The following HACL1 variants were observed in gnomAD, a reference collection of about 807,000 sequenced individuals.
HACL1 encodes the protein 1600020H07Rik.
In HACL1, 64 loss-of-function variants were observed where a neutral mutation model predicts 74.2. That is an observed-to-expected ratio of 0.86 (90% CI 0.70 to 1.06). The LOEUF (loss-of-function observed/expected upper bound fraction) is 1.06, where lower values mean the gene tolerates loss of function less well. Among genes scored for constraint, HACL1 ranks in the 50% least tolerant of loss-of-function variants. HACL1 has a pLI of 0.00. For missense variants in HACL1, 728 were observed against 719.7 expected (o/e 1.01, Z -0.13); for synonymous variants, 230 against 238.8 (o/e 0.96, Z 0.34).
chr3:15,593,124 CAT>C lies in HACL1; in HGVS notation c.228-1446_228-1445del, dbSNP rs775664481. ...ATATGTGTGTGTATATATACACACA[CAT>C]ACGTATATATGTATATATACACACA... On this transcript the variant is annotated intron_variant, in intron 3 of 16. Transcript: ENST00000321169. 1.5e-3 allele frequency among the ~76,000 whole-genome samples: 203 copies of C among 136,908 alleles called. 3 individuals carry two copies. Among genetic ancestry groups the C allele is most frequent in the East Asian group, 8.3e-3 (34 of 4,116 alleles). 89.8% of individuals were successfully genotyped at this position (136,908 alleles called of 152,430 possible).
At chr3:15,592,636 GTGTGCGTGTA>G (rs2063966409) in intron 3 of HACL1, among the ~76,000 whole-genome samples, 1 of 20,030 alleles carries the variant, frequency 5.0e-5, no homozygotes, top group African/African-American at 2.1e-4. Context: ...GTACGCACAT[GTGTGCGTGTA>G]TACACATGTA....
At chr3:15,564,207 C>T (rs933980922) in intron 15 of HACL1, among the ~76,000 whole-genome samples, 7 of 152,202 alleles carry the variant, frequency 4.6e-5, no homozygotes, top group Non-Finnish European at 1.0e-4. Context: ...ACAAATAATA[C>T]GTAAACATCC....
chr3:15,599,339 C>A (rs73817022), intron 2 of HACL1, among the ~76,000 whole-genome samples: 80 of 152,288 alleles, frequency 5.3e-4, no homozygotes, highest in African/African-American at 1.9e-3. Context: ...TGCTATGTTG[C>A]CCAGGCAGCC....
intron 5 of HACL1, 126 bp from the exon 6 acceptor site, chr3:15,586,728 T>A: frequency 1.7e-6 from 1 of 596,058 alleles, no homozygotes; most frequent in Non-Finnish European, 3.0e-6. Flanking sequence ...ATATATTGCC[T>A]AGACTGTCCC....
intron 11 of HACL1, among the ~76,000 whole-genome samples, chr3:15,572,343 A>G (rs1574915813): frequency 6.6e-6 from 1 of 152,104 alleles, no homozygotes; most frequent in East Asian, 1.9e-4. Flanking sequence ...TAGAAAATCA[A>G]TGGGTAACAT....
rs1173890071 is a variant in HACL1, at chr3:15,592,107, A to ACATACGTGTATATATG, written c.228-428_228-427insCATATATACACGTATG. Among the ~76,000 whole-genome samples the ACATACGTGTATATATG allele has an allele frequency of 3.2e-3, 447 of 138,562 alleles. 28 individuals carry two copies. The highest frequency in any genetic ancestry group is 0.014 in the East Asian group (58 of 4,018). The allele number at this position is 138,562 out of a possible 152,430, so 90.9% of individuals were successfully genotyped here. Reference sequence around the variant, plus strand: ...ATATATACACACACTATATACGTATATATACACACTATATACGTATACATA... The same window carrying ACATACGTGTATATATG: ...ATATATACACACACTATATACGTATACATACGTGTATATATGTATACACACTATATACGTATACATA... On this transcript the variant is annotated intron_variant, in intron 3 of 16. Coordinates refer to ENST00000321169, the MANE Select transcript of HACL1 (RefSeq NM_012260.4).
rs1180555257 is a variant in HACL1 at position 15,570,952 on chromosome 3, C to CA, written c.1095+715dup. Among the ~76,000 whole-genome samples, 373 of 131,326 alleles carry CA rather than the reference C, an allele frequency of 2.8e-3. 2 individuals carry two copies. The highest frequency in any genetic ancestry group is 3.4e-3 in the South Asian group (13 of 3,802). 86.2% of individuals were successfully genotyped at this position (131,326 alleles called of 152,430 possible). A position where few individuals can be genotyped will look rare whatever the true frequency, so the allele number is the denominator to read the frequency against. On this transcript the variant is annotated intron_variant, in intron 12 of 16. Transcript: ENST00000321169. ...CATCTCAACCCAAGATTTAAGGATT[C>CA]AAAAAAAAAAAAACCACTTAATAGT...
chr3:15,601,440 C>G lies in HACL1; in HGVS notation c.24G>C (p.Glu8Asp), dbSNP rs757912260. The part of the protein sequence containing the change: MPDSNFA[E>D]RSEEQVSGAK... ...CACCAGACACCTGCTCCTCGCTGCG[C>G]TCTGCGAAGTTACTGTCCGGCATCT... Residue 8 changes from glutamate (E) to aspartate (D), a missense_variant, in exon 1 of 17, where the codon GAG (glutamate) becomes GAC (aspartate). Physicochemically the swap from Glu to Asp is conservative, Grantham distance 45. Coordinates refer to ENST00000321169, the MANE Select transcript of HACL1 (RefSeq NM_012260.4). 2.7e-5 allele frequency: 44 copies of G among 1,613,668 alleles called. No individual in the cohort carries two copies. The highest frequency in any genetic ancestry group is 3.6e-5 in the Non-Finnish European group (43 of 1,180,044).
intron 3 of HACL1, among the ~76,000 whole-genome samples, chr3:15,592,052 A>C (rs2063914538): frequency 3.2e-5 from 1 of 31,064 alleles, no homozygotes; most frequent in Non-Finnish European, 5.7e-5. Context: ...CACACACTAT[A>C]TACGTATATA....
chr3:15,593,226 T>A (rs947195132), intron 3 of HACL1, among the ~76,000 whole-genome samples: 3 of 150,920 alleles, frequency 2.0e-5, no homozygotes, highest in African/African-American at 7.3e-5. Context: ...TACACACTTT[T>A]TTTTTGAGAT....
intron 9 of HACL1, among the ~76,000 whole-genome samples, chr3:15,576,380 A>C (rs1296001113): frequency 6.6e-6 from 1 of 152,056 alleles, no homozygotes; most frequent in South Asian, 2.1e-4. Context: ...AAGACTATTG[A>C]TTCATATTCC....
intron 6 of HACL1, 123 bp downstream of exon 6, chr3:15,586,402 C>T: frequency 1.7e-6 from 1 of 589,264 alleles, no homozygotes; most frequent in Non-Finnish European, 3.1e-6. Context: ...CTAACAATGC[C>T]ATTTTTAACT....
At position 15,573,170 on chromosome 3, in the gene HACL1, C is replaced by CA. The variant is rs751794804; in HGVS notation, c.981dup (p.Val328CysfsTer3). ...ACAAAAGTTCTCACCTGCTTAGTGA[C>CA]AGCATGTATGTTTCCTAGCAAAGTA... On this transcript the variant is annotated frameshift_variant, in exon 11 of 17. Coordinates refer to ENST00000321169, the MANE Select transcript of HACL1 (RefSeq NM_012260.4). LOFTEE classifies it high-confidence loss of function. 1.9e-6 allele frequency: 3 copies of CA among 1,593,462 alleles called. No homozygotes were observed. Among genetic ancestry groups the CA allele is most frequent in the Non-Finnish European group, 2.6e-6 (3 of 1,161,280 alleles).
At chr3:15,592,663 T>C (rs867966032) in intron 3 of HACL1, among the ~76,000 whole-genome samples, 130 of 234 alleles carry the variant, frequency 0.56, 13 homozygotes, top group South Asian at 1. Flanking sequence ...TGTACGCACA[T>C]GTGTGCGTGT....
At chr3:15,578,560 G>GT (rs1258905678) in intron 9 of HACL1, among the ~76,000 whole-genome samples, 13 of 152,220 alleles carry the variant, frequency 8.5e-5, no homozygotes, top group Middle Eastern at 3.4e-3. Flanking sequence ...CAGAGAAACT[G>GT]TTTTTTTGGC....
intron 7 of HACL1, among the ~76,000 whole-genome samples, chr3:15,584,876 G>A (rs1481559294): frequency 2.0e-5 from 3 of 152,140 alleles, no homozygotes; most frequent in East Asian, 3.9e-4. Flanking sequence ...GAGACAGCTA[G>A]ATGTTTTTTA....
At position 15,601,543 on chromosome 3, in the gene HACL1, GCA is replaced by G; in HGVS notation, c.-82_-81del. The G allele has an allele frequency of 6.2e-7, 1 of 1,605,254 alleles. No homozygotes were observed. Among genetic ancestry groups the G allele is most frequent in the Non-Finnish European group, 8.5e-7 (1 of 1,179,638 alleles). On this transcript the variant is annotated 5_prime_UTR_variant, in exon 1 of 17. Transcript: ENST00000321169. ...CAGCAAGGCAAACGCGAAATCGGCA[GCA>G]CGCCACCTCTGGTACTGCACCTCTG... is the stretch of plus-strand genomic sequence containing the variant.
Position 15,563,243 on chromosome 3 carries a change from T to C in HACL1, c.1704+115A>G, listed in dbSNP as rs999151093. 3.4e-5 allele frequency: 23 copies of C among 670,512 alleles called. No homozygotes were observed. The Admixed American group carries it at 5.7e-4, about 17-fold the overall frequency. 41.5% of individuals were successfully genotyped at this position (670,512 alleles called of 1,614,324 possible). ...TACATGAAACTGCCAAACTCAGAAATGGTTTAGAAAGACCTCTGTGGATGA... is the reference window on the plus strand; with the variant it reads ...TACATGAAACTGCCAAACTCAGAAACGGTTTAGAAAGACCTCTGTGGATGA... On this transcript the variant is annotated intron_variant, in intron 16 of 16. Coordinates refer to ENST00000321169, the MANE Select transcript of HACL1 (RefSeq NM_012260.4).
At chr3:15,593,796 CT>C (rs1322426326) in intron 3 of HACL1, among the ~76,000 whole-genome samples, 1,288 of 111,300 alleles carry the variant, frequency 0.012, 5 homozygotes, top group African/African-American at 0.033. Flanking sequence ...TTTTTTTTGT[CT>C]TTTTTTTTTT....
Sources: gnomAD v4.1 joint callset for allele counts (sites outside exome capture counted in the v4.1 genomes callset) on GRCh38, gnomAD v4.1.1 for gene constraint, MANE v1.5 for transcripts, NCBI Gene and HGNC (gene_info 2026-07-23, HGNC 2026-07-21) for gene names.